The following CFAP58 variants were observed in gnomAD, a reference collection of about 807,000 sequenced individuals.
CFAP58 encodes the protein cilia and flagella associated protein 58.
CFAP58 carries 88 observed loss-of-function variants against 119.5 expected under a neutral mutation model. That is an observed-to-expected ratio of 0.74 (90% CI 0.62 to 0.88). The LOEUF (loss-of-function observed/expected upper bound fraction) is 0.88. Among genes scored for constraint, CFAP58 ranks in the 40% least tolerant of loss-of-function variants. The probability of loss-of-function intolerance (pLI) is 0.00; values close to 1 mark genes in which losing one functional copy is unlikely to be tolerated. For synonymous variants in CFAP58, 365 were observed against 366.3 expected, an observed-to-expected ratio of 1.00 and a Z score of 0.04; for missense variants, 990 against 1,021.2, an observed-to-expected ratio of 0.97 and a Z score of 0.42.
intron 15 of CFAP58, among the ~76,000 whole-genome samples, chr10:104,413,751 A>ATCATCAT (rs67521956): frequency 8.6e-5 from 12 of 140,234 alleles, no homozygotes; most frequent in African/African-American, 3.1e-4. Context: ...ATCATCATCA[A>ATCATCAT]GATGGCATTT....
intron 11 of CFAP58, 27 bp downstream of exon 11, chr10:104,393,502 T>A: frequency 6.3e-7 from 1 of 1,589,656 alleles, no homozygotes; most frequent in Non-Finnish European, 8.6e-7. Flanking sequence ...AAAAGCAAAG[T>A]ACCAACAGTT....
intron 12 of CFAP58, 120 bp from the exon 13 acceptor site, chr10:104,400,560 C>T (rs1244803657): frequency 1.3e-6 from 1 of 789,798 alleles, no homozygotes; most frequent in African/African-American, 1.7e-5. Flanking sequence ...AGTGCCCAGC[C>T]CATGTGGTGC....
At chr10:104,342,228 T>C in the CFAP58 span, among the ~76,000 whole-genome samples, 61,592 of 152,108 alleles carry the variant, frequency 0.4, 14,663 homozygotes, top group African/African-American at 0.67. Flanking sequence ...CATAGTATGA[T>C]GATTGCCTTT....
the CFAP58 span, among the ~76,000 whole-genome samples, chr10:104,346,513 C>G: frequency 1.3e-5 from 2 of 151,384 alleles, no homozygotes; most frequent in South Asian, 4.2e-4. Context: ...ACGCCCAGCT[C>G]ATTAAAAAAA....
intron 15 of CFAP58, among the ~76,000 whole-genome samples, chr10:104,443,740 G>C (rs1354276669): frequency 6.6e-6 from 1 of 152,138 alleles, no homozygotes; most frequent in East Asian, 1.9e-4. Flanking sequence ...TTCTCCCTCT[G>C]AATTGTACCT....
rs1414309019 is a variant in CFAP58 at position 104,454,583 on chromosome 10, A to G, written c.*53A>G. ...AACAACTCATGAAATCTGCTCTGGGACATTTTGGGGGAATCTCAAAGTCCT... is the reference window on the plus strand; with the variant it reads ...AACAACTCATGAAATCTGCTCTGGGGCATTTTGGGGGAATCTCAAAGTCCT... On this transcript the variant is annotated 3_prime_UTR_variant, in exon 18 of 18. Transcript: ENST00000369704. The G allele has an allele frequency of 6.7e-6, 9 of 1,336,722 alleles. No individual in the cohort carries two copies. The Admixed American group carries it at 6.9e-5, about 10-fold the overall frequency. The allele number at this position is 1,336,722 out of a possible 1,614,324, so 82.8% of individuals were successfully genotyped here.
intron 14 of CFAP58, 65 bp from the exon 15 acceptor site, chr10:104,406,624 C>A: frequency 7.9e-7 from 1 of 1,267,222 alleles, no homozygotes; most frequent in Non-Finnish European, 1.1e-6. Flanking sequence ...GTGCATTTTA[C>A]ATAGAGGCCT....
At chr10:104,416,209 G>C (rs1184946091) in intron 15 of CFAP58, among the ~76,000 whole-genome samples, 1 of 152,186 alleles carries the variant, frequency 6.6e-6, no homozygotes, top group Non-Finnish European at 1.5e-5. Context: ...ACGTTCGGGG[G>C]GTTTTGATGA....
chr10:104,403,367 C>T (rs2012300224), intron 13 of CFAP58, among the ~76,000 whole-genome samples: 1 of 152,178 alleles, frequency 6.6e-6, no homozygotes, highest in Non-Finnish European at 1.5e-5. Context: ...AACCTCTTTC[C>T]TTTATAAATT....
At chr10:104,342,243 C>A in the CFAP58 span, among the ~76,000 whole-genome samples, 1 of 152,160 alleles carries the variant, frequency 6.6e-6, no homozygotes, top group Admixed American at 6.5e-5. Context: ...GCCTTTTTCT[C>A]TACATTGTTG....
intron 1 of CFAP58, 125 bp downstream of exon 1, chr10:104,354,031 C>A (rs750242346): frequency 1.7e-6 from 2 of 1,205,706 alleles, no homozygotes; most frequent in South Asian, 1.3e-5. Flanking sequence ...TCCCCTGCAC[C>A]CTCACTCACT....
At chr10:104,401,671 G>T (rs2133044200) in intron 13 of CFAP58, among the ~76,000 whole-genome samples, 1 of 152,268 alleles carries the variant, frequency 6.6e-6, no homozygotes, top group Middle Eastern at 3.4e-3. Flanking sequence ...AATCAATTGG[G>T]TTAGAAGATA....
chr10:104,368,645 G>A (rs917840186), intron 6 of CFAP58, 85 bp downstream of exon 6: 119 of 1,440,282 alleles, frequency 8.3e-5, no homozygotes, highest in Middle Eastern at 1.8e-4. Flanking sequence ...CAGTTGGAGA[G>A]CCTGTGTTGG....
intron 15 of CFAP58, among the ~76,000 whole-genome samples, chr10:104,446,672 A>G (rs543723199): frequency 4.5e-4 from 69 of 152,360 alleles, no homozygotes; most frequent in East Asian, 1.7e-3. Flanking sequence ...ACAGAGACTG[A>G]TGAGTAGACA....
chr10:104,386,368 C>T (rs540425923), intron 9 of CFAP58, among the ~76,000 whole-genome samples: 1 of 142,610 alleles, frequency 7.0e-6, no homozygotes, highest in African/African-American at 2.6e-5. Context: ...CAAGAGTGAA[C>T]CACCATCTCA....
intron 15 of CFAP58, among the ~76,000 whole-genome samples, chr10:104,438,544 T>G (rs932130585): frequency 2.0e-5 from 3 of 151,208 alleles, no homozygotes; most frequent in Non-Finnish European, 3.0e-5. Context: ...CCCGGCTAAT[T>G]TTTTGTATTT....
chr10:104,351,834 G>A (rs1274293177), upstream of CFAP58: 1 of 152,160 alleles, frequency 6.6e-6, no homozygotes, highest in Non-Finnish European at 1.5e-5. Context: ...AAGAGCCACA[G>A]TATCAAAGTT....
At chr10:104,425,676 C>T (rs549746442) in intron 15 of CFAP58, among the ~76,000 whole-genome samples, 8 of 152,248 alleles carry the variant, frequency 5.3e-5, no homozygotes, top group South Asian at 2.1e-4. Context: ...GTGGCAGAGT[C>T]GGGGCCCAAA....
At chr10:104,438,348 G>GTTTTTTTTTTTTTTTTTTTTTTTTTTTTT (rs759400382) in intron 15 of CFAP58, among the ~76,000 whole-genome samples, 3 of 36,738 alleles carry the variant, frequency 8.2e-5, no homozygotes, top group Non-Finnish European at 2.1e-4. Context: ...TTTGTTTTTT[G>GTTTTTTTTTTTTTTTTTTTTTTTTTTTTT]TTTTTTTTTT....
Sources: gnomAD v4.1 joint callset for allele counts (sites outside exome capture counted in the v4.1 genomes callset) on GRCh38, gnomAD v4.1.1 for gene constraint, MANE v1.5 for transcripts, NCBI Gene and HGNC (gene_info 2026-07-23, HGNC 2026-07-21) for gene names.